The following EPB42 variants were observed in gnomAD, a reference collection of about 807,000 sequenced individuals.
EPB42 encodes the protein erythrocyte membrane protein band 4.2.
EPB42 carries 49 observed loss-of-function variants against 76.9 expected under a neutral mutation model. That is an observed-to-expected ratio of 0.64 (90% CI 0.51 to 0.81). The LOEUF is 0.81. Among genes scored for constraint, EPB42 ranks in the 30% least tolerant of loss-of-function variants. EPB42 has a pLI of 0.00. For synonymous variants in EPB42, 310 were observed against 338.4 expected, an observed-to-expected ratio of 0.92 and a Z score of 0.92; for missense variants, 731 against 867.6, an observed-to-expected ratio of 0.84 and a Z score of 1.98.
chr15:43,209,731 C>T, intron 5 of EPB42: 3 of 417,324 alleles, frequency 7.2e-6, no homozygotes, highest in South Asian at 8.7e-5. Flanking sequence ...GGGCTGGTTT[C>T]ACCGGTTCTT....
chr15:43,224,607 A>C (rs1216705116), upstream of EPB42, among the ~76,000 whole-genome samples: 1 of 152,220 alleles, frequency 6.6e-6, no homozygotes, highest in Non-Finnish European at 1.5e-5. Flanking sequence ...AGTATATTCA[A>C]GGCATTGATA....
intron 1 of EPB42, among the ~76,000 whole-genome samples, chr15:43,219,943 TAA>T (rs770805269): frequency 6.5e-4 from 89 of 137,548 alleles, no homozygotes; most frequent in Admixed American, 8.8e-4. Flanking sequence ...AGACTCCGTT[TAA>T]AAAAAAAAAA....
chr15:43,221,246 T>C (rs1052244363), upstream of EPB42: 2 of 229,482 alleles, frequency 8.7e-6, no homozygotes, highest in African/African-American at 2.3e-5. Flanking sequence ...TGGAAGACTC[T>C]GGAAGAGAGG....
Position 43,203,195 on chromosome 15 carries a change from T to A in EPB42, c.1699A>T (p.Met567Leu). Reference protein sequence around the residue: ...PENTFLRLTAMATHSESNLSC... With the variant: ...PENTFLRLTALATHSESNLSC... ...AGGTTGGATTCAGAGTGTGTTGCCA[T>A]GGCGGTGAGTCTAAGGAAGGTGTTC... Residue 567 changes from methionine to leucine, a missense_variant, in exon 11 of 13, where the codon ATG becomes TTG. Coordinates refer to ENST00000441366, the MANE Select transcript of EPB42 (RefSeq NM_001114134.2). The A allele has an allele frequency of 6.2e-7, 1 of 1,613,966 alleles. No individual in the cohort carries two copies. Among genetic ancestry groups the A allele is most frequent in the African/African-American group, 1.3e-5 (1 of 74,978 alleles).
At chr15:43,217,505 T>C (rs2042397276) in intron 1 of EPB42, among the ~76,000 whole-genome samples, 1 of 151,752 alleles carries the variant, frequency 6.6e-6, no homozygotes, top group Non-Finnish European at 1.5e-5. Flanking sequence ...TCAAAAGATA[T>C]GTTCAGCAAG....
rs747532019 is a variant in EPB42, at chr15:43,215,230, C to A, written c.295G>T (p.Ala99Ser). The change falls in exon 3 of 13, where the codon GCC becomes TCC. Residue 99 changes from alanine to serine, a missense_variant. Physicochemically the swap from Ala to Ser is moderately conservative, Grantham distance 99. Transcript: ENST00000441366. Reference sequence around the variant, plus strand: ...GTCACAGAGATGGTCCAGGACTGGGCATCTCTCTCCTCCACCACTGCACTC... The same window carrying A: ...GTCACAGAGATGGTCCAGGACTGGGAATCTCTCTCCTCCACCACTGCACTC... ...WWSAVVEERD[A>S]QSWTISVTTP... 1.2e-6 allele frequency: 2 copies of A among 1,614,082 alleles called. No homozygotes were observed. Among genetic ancestry groups the A allele is most frequent in the East Asian group, 4.5e-5 (2 of 44,896 alleles).
chr15:43,222,573 G>A (rs953988884), upstream of EPB42, among the ~76,000 whole-genome samples: 15 of 152,216 alleles, frequency 9.9e-5, 1 homozygote, highest in Admixed American at 7.2e-4. Context: ...CACCAAGATT[G>A]TTTTTTGAAA....
chr15:43,221,890 C>T (rs1023552822), upstream of EPB42, among the ~76,000 whole-genome samples: 1 of 150,810 alleles, frequency 6.6e-6, no homozygotes, highest in Non-Finnish European at 1.5e-5. Flanking sequence ...TGCCTGTAAT[C>T]CCAGCACTTT....
chr15:43,219,718 C>T (rs1192105276), intron 1 of EPB42, among the ~76,000 whole-genome samples: 1 of 152,100 alleles, frequency 6.6e-6, no homozygotes, highest in Non-Finnish European at 1.5e-5. Flanking sequence ...GAGGCCGAGG[C>T]GGAGGATCAC....
At chr15:43,224,275 A>T (rs2042488577), upstream of EPB42, among the ~76,000 whole-genome samples, 1 of 152,114 alleles carries the variant, frequency 6.6e-6, no homozygotes, top group Non-Finnish European at 1.5e-5. Context: ...CATTCTTATG[A>T]CCCCACTTCA....
chr15:43,216,454 C>T lies in EPB42; in HGVS notation c.11-1G>A. ...AAGTCACAGCTCTTGATACCCAGGG[C>T]TGTTGTGGGAAAGAGAGAAGTCACG... On this transcript the variant is annotated splice_acceptor_variant, in intron 1 of 12. Coordinates refer to ENST00000441366, the MANE Select transcript of EPB42 (RefSeq NM_001114134.2). LOFTEE classifies it high-confidence loss of function. 6.2e-7 allele frequency: 1 copy of T among 1,614,058 alleles called. No individual in the cohort carries two copies. The highest frequency in any genetic ancestry group is 8.5e-7 in the Non-Finnish European group (1 of 1,180,020).
intron 9 of EPB42, 72 bp downstream of exon 9, chr15:43,207,124 TCTA>T: frequency 6.2e-7 from 1 of 1,602,906 alleles, no homozygotes; most frequent in South Asian, 1.1e-5. Flanking sequence ...TCTGGCTGCA[TCTA>T]CCAGGCCCAT....
Position 43,204,970 on chromosome 15 carries a change from C to CT in EPB42, c.1618+1359_1618+1360insA, listed in dbSNP as rs951663972. On this transcript the variant is annotated intron_variant, in intron 10 of 12. Transcript: ENST00000441366. Reference sequence around the variant, plus strand: ...TCAGAAGGCTGCCCCCTCCGCCCCCCCCCCAAAAAAAAGTTCCCAAGATGA... The same window carrying CT: ...TCAGAAGGCTGCCCCCTCCGCCCCCCTCCCCAAAAAAAAGTTCCCAAGATGA... Among the ~76,000 whole-genome samples, 5 of 144,050 alleles carry CT rather than the reference C, an allele frequency of 3.5e-5. 1 individual carries two copies. Among genetic ancestry groups the CT allele is most frequent in the Middle Eastern group, 3.5e-3 (1 of 288 alleles). 94.5% of individuals were successfully genotyped at this position (144,050 alleles called of 152,430 possible).
At chr15:43,210,502 C>A in intron 4 of EPB42, 63 bp from the exon 5 acceptor site, 1 of 1,452,700 alleles carries the variant, frequency 6.9e-7, no homozygotes, top group South Asian at 1.1e-5. Flanking sequence ...GGAAGGGTCC[C>A]CAGGTCAGGC....
intron 11 of EPB42, 92 bp downstream of exon 11, chr15:43,203,023 A>T: frequency 2.0e-6 from 3 of 1,480,146 alleles, no homozygotes; most frequent in Non-Finnish European, 2.8e-6. Context: ...CTTGCAGCAC[A>T]GTCATCTGCT....
At position 43,211,446 on chromosome 15, in the gene EPB42, G is replaced by A. The variant is rs1258783873; in HGVS notation, c.519C>T (p.Cys173=). The A allele has an allele frequency of 2.5e-6, 4 of 1,613,262 alleles. No individual in the cohort carries two copies. Among genetic ancestry groups the A allele is most frequent in the Non-Finnish European group, 3.4e-6 (4 of 1,179,160 alleles). The part of the protein sequence containing the change: ...NGLIYLGTAD[C]IQAESWDFGQ... The stretch of plus-strand genomic sequence containing the variant: ...CAAAGTCCCAGGACTCTGCCTGGAT[G>A]CAGTCAGCTGTACCCAGGTAGATGA... Residue 173 remains cysteine (C), a synonymous_variant, in exon 4 of 13, where the codon TGC becomes TGT. Coordinates refer to ENST00000441366, the MANE Select transcript of EPB42 (RefSeq NM_001114134.2).
chr15:43,217,409 T>C (rs1378737525), intron 1 of EPB42, among the ~76,000 whole-genome samples: 1 of 152,112 alleles, frequency 6.6e-6, no homozygotes, highest in African/African-American at 2.4e-5. Context: ...CTTTTCTTTA[T>C]AAATTACCCC....
Position 43,208,677 on chromosome 15 carries a change from C to A in EPB42, c.931G>T (p.Glu311Ter). 1 of 1,614,196 alleles carries A rather than the reference C, an allele frequency of 6.2e-7. No individual in the cohort carries two copies. The highest frequency in any genetic ancestry group is 1.3e-5 in the African/African-American group (1 of 75,058). Residue 311 changes from glutamate to a stop codon, truncating the protein, a stop_gained, in exon 7 of 13, where the codon GAG (glutamate) becomes TAG (stop). Coordinates refer to ENST00000441366, the MANE Select transcript of EPB42 (RefSeq NM_001114134.2). LOFTEE classifies it high-confidence loss of function. ...RLLIDEYYNE[E>*]GLQNGEGQRG... is the part of the protein sequence containing the mutation. Reference sequence around the variant, plus strand: ...TGGCCTTCTCCGTTCTGAAGTCCCTCCTCATTATAGTATTCATCTATGAGA... The same window carrying A: ...TGGCCTTCTCCGTTCTGAAGTCCCTACTCATTATAGTATTCATCTATGAGA...
chr15:43,208,082 G>T, intron 8 of EPB42, 148 bp downstream of exon 8: 1 of 716,140 alleles, frequency 1.4e-6, no homozygotes, highest in Non-Finnish European at 2.5e-6. Flanking sequence ...CATCAGGTCA[G>T]CTTTCTGCTG....
Sources: gnomAD v4.1 joint callset for allele counts (sites outside exome capture counted in the v4.1 genomes callset) on GRCh38, gnomAD v4.1.1 for gene constraint, MANE v1.5 for transcripts, NCBI Gene and HGNC (gene_info 2026-07-23, HGNC 2026-07-21) for gene names.